Variants in SNTG2 observed in about 807,000 individuals in gnomAD.
SNTG2 encodes the protein gamma-2-syntrophin.
In SNTG2, 74 loss-of-function variants were observed where a neutral mutation model predicts 70.9. That is an observed-to-expected ratio of 1.04 (90% CI 0.86 to 1.27). The LOEUF (loss-of-function observed/expected upper bound fraction) is 1.27, where lower values mean the gene tolerates loss of function less well. Among genes scored for constraint, SNTG2 ranks in the 50% most tolerant of loss-of-function variants. SNTG2 has a pLI of 0.00. For synonymous variants in SNTG2, 278 were observed against 273.8 expected (o/e 1.02, Z -0.15); for missense variants, 717 against 690.7 (o/e 1.04, Z -0.43).
intron 6 of SNTG2, among the ~76,000 whole-genome samples, chr2:1,150,303 T>G (rs981397615): frequency 6.6e-6 from 1 of 152,120 alleles, no homozygotes; most frequent in African/African-American, 2.4e-5. Flanking sequence ...GCATCTTACT[T>G]TGTATCTATT....
At chr2:1,171,515 T>C (rs1009166358) in intron 7 of SNTG2, among the ~76,000 whole-genome samples, 3 of 152,222 alleles carry the variant, frequency 2.0e-5, no homozygotes, top group African/African-American at 7.2e-5. Context: ...GAAATGTGCT[T>C]CTGAACGCTA....
intron 8 of SNTG2, among the ~76,000 whole-genome samples, chr2:1,204,688 C>A (rs4247821): frequency 0.32 from 49,294 of 151,938 alleles, 8,544 homozygotes; most frequent in East Asian, 0.66. Flanking sequence ...TACAGAATAG[C>A]GATGTAATTC....
At chr2:1,259,117 T>G (rs921699768) in intron 12 of SNTG2, among the ~76,000 whole-genome samples, 6 of 152,152 alleles carry the variant, frequency 3.9e-5, no homozygotes, top group African/African-American at 9.7e-5. Context: ...CTATCTAAGA[T>G]AAGATAAAGG....
chr2:1,055,199 G>A (rs1385949279), intron 1 of SNTG2, among the ~76,000 whole-genome samples: 1 of 152,256 alleles, frequency 6.6e-6, no homozygotes, highest in East Asian at 1.9e-4. Context: ...CATGGGCAGC[G>A]AAACAGGGGC....
chr2:1,159,062 A>G (rs558175927), intron 6 of SNTG2, among the ~76,000 whole-genome samples: 1 of 150,572 alleles, frequency 6.6e-6, no homozygotes, highest in Non-Finnish European at 1.5e-5. Context: ...CCACGGGTGT[A>G]CCTGTGTGTG....
chr2:1,263,138 A>T (rs1449794955), intron 13 of SNTG2, among the ~76,000 whole-genome samples: 1 of 152,242 alleles, frequency 6.6e-6, no homozygotes, highest in African/African-American at 2.4e-5. Context: ...GTCCATTACA[A>T]CACTGAGTTC....
chr2:985,092 T>G (rs1334776465), intron 1 of SNTG2, among the ~76,000 whole-genome samples: 1 of 152,170 alleles, frequency 6.6e-6, no homozygotes, highest in Non-Finnish European at 1.5e-5. Flanking sequence ...CATCAAGTGT[T>G]GCCTGAAAAG....
At chr2:1,244,483 G>T (rs34962657) in intron 11 of SNTG2, among the ~76,000 whole-genome samples, 16,082 of 151,986 alleles carry the variant, frequency 0.11, 896 homozygotes, top group South Asian at 0.15. Context: ...GATCACGAGG[G>T]CAGGAGATTG....
intron 1 of SNTG2, among the ~76,000 whole-genome samples, chr2:1,044,468 G>C (rs1201587910): frequency 6.6e-6 from 1 of 152,088 alleles, no homozygotes; most frequent in Non-Finnish European, 1.5e-5. Flanking sequence ...GACTTGTTCT[G>C]GTTCTCAAGG....
At chr2:1,228,608 G>A (rs1675962434) in intron 9 of SNTG2, among the ~76,000 whole-genome samples, 1 of 152,250 alleles carries the variant, frequency 6.6e-6, no homozygotes, top group Non-Finnish European at 1.5e-5. Flanking sequence ...TAAAGGGACA[G>A]GAGCCGACTT....
chr2:1,299,816 C>T (rs1680371329), intron 14 of SNTG2, among the ~76,000 whole-genome samples: 1 of 152,232 alleles, frequency 6.6e-6, no homozygotes. Flanking sequence ...CCCCACCTGT[C>T]ATCTGTAAAA....
At chr2:1,366,141 A>T (rs3923533) in intron 16 of SNTG2, among the ~76,000 whole-genome samples, 3 of 151,970 alleles carry the variant, frequency 2.0e-5, no homozygotes, top group Non-Finnish European at 4.4e-5. Flanking sequence ...TGAGATTTAG[A>T]AAATAGGATG....
chr2:1,218,856 G>T (rs1260662507), intron 9 of SNTG2, among the ~76,000 whole-genome samples: 1 of 152,188 alleles, frequency 6.6e-6, no homozygotes, highest in Non-Finnish European at 1.5e-5. Context: ...AAGTAGGGTG[G>T]GAGATGATAT....
At chr2:1,341,627 G>C in intron 16 of SNTG2, 1 of 152,186 alleles carries the variant, frequency 6.6e-6, no homozygotes, top group African/African-American at 2.4e-5. Flanking sequence ...TCCCTGGGGA[G>C]GCAGTCTTAA....
intron 1 of SNTG2, among the ~76,000 whole-genome samples, chr2:1,069,283 G>A (rs548643011): frequency 7.0e-4 from 107 of 151,794 alleles, no homozygotes; most frequent in African/African-American, 2.5e-3. Context: ...TATATGATGT[G>A]GGGCATTAAA....
intron 12 of SNTG2, among the ~76,000 whole-genome samples, chr2:1,249,572 C>G (rs1225371922): frequency 6.6e-6 from 1 of 152,148 alleles, no homozygotes; most frequent in Non-Finnish European, 1.5e-5. Flanking sequence ...TGTCATTGTT[C>G]TTCTTGATAC....
In SNTG2 at chr2:1,165,520, A is replaced by G. The variant is rs115114500; in HGVS notation, c.412-28A>G. On this transcript the variant is annotated intron_variant, in intron 6 of 16. Transcript: ENST00000308624. ...TGTGTCTGGTTCTTTTGTGGTGGTAAAAGTAGCTATTTTTGTCATATTGAC... is the reference window on the plus strand; with the variant it reads ...TGTGTCTGGTTCTTTTGTGGTGGTAGAAGTAGCTATTTTTGTCATATTGAC... 5.5e-3 allele frequency: 8,754 copies of G among 1,591,830 alleles called. 40 individuals are homozygous for G. The highest frequency in any genetic ancestry group is 6.8e-3 in the Non-Finnish European group (7,932 of 1,162,544).
At chr2:1,079,761 G>A (rs1162974106) in intron 1 of SNTG2, among the ~76,000 whole-genome samples, 1 of 152,202 alleles carries the variant, frequency 6.6e-6, no homozygotes, top group Non-Finnish European at 1.5e-5. Context: ...TTAACCGGTA[G>A]CAATGGTGAG....
At chr2:1,102,364 G>C (rs891149952) in intron 4 of SNTG2, among the ~76,000 whole-genome samples, 1 of 152,176 alleles carries the variant, frequency 6.6e-6, no homozygotes, top group African/African-American at 2.4e-5. Flanking sequence ...TGGAGAGCCA[G>C]TGCAGGGTGC....
Sources: allele counts gnomAD v4.1 joint callset (sites outside exome capture counted in the v4.1 genomes callset), GRCh38; gene constraint gnomAD v4.1.1; transcripts MANE v1.5; gene names NCBI Gene and HGNC (gene_info 2026-07-23, HGNC 2026-07-21).